Variants in CDH17 observed in about 807,000 individuals in gnomAD.
The protein encoded by CDH17 is cadherin-17.
In CDH17, 67 loss-of-function variants were observed where a neutral mutation model predicts 86.3. The observed-to-expected ratio is 0.78, with a 90% CI of 0.64 to 0.95. CDH17 has a LOEUF of 0.95. Among genes scored for constraint, CDH17 ranks in the 40% least tolerant of loss-of-function variants. The pLI, the probability that CDH17 is intolerant of heterozygous loss-of-function variation, is 0.00. For missense variants in CDH17, 993 were observed against 1,017.6 expected, an observed-to-expected ratio of 0.98 and a Z score of 0.33; for synonymous variants, 367 against 366.4, an observed-to-expected ratio of 1.00 and a Z score of -0.02.
Position 94,128,167 on chromosome 8 carries a change from G to A in CDH17, c.*73C>T. 1 of 920,796 alleles carries A rather than the reference G, an allele frequency of 1.1e-6. No homozygotes were observed. Among genetic ancestry groups the A allele is most frequent in the Non-Finnish European group, 1.8e-6 (1 of 564,666 alleles). The allele number at this position is 920,796 out of a possible 1,614,324, so 57.0% of individuals were successfully genotyped here. A position where few individuals can be genotyped will look rare whatever the true frequency, so the allele number is the denominator to read the frequency against. ...TAAAAAATTATAATGCACGTTAGATGAAAAGTAATAGGATGAGATGGTTGT... is the reference window on the plus strand; with the variant it reads ...TAAAAAATTATAATGCACGTTAGATAAAAAGTAATAGGATGAGATGGTTGT... On this transcript the variant is annotated 3_prime_UTR_variant, in exon 18 of 18. Transcript: ENST00000027335.
intron 2 of CDH17, among the ~76,000 whole-genome samples, chr8:94,193,744 G>C (rs1409856614): frequency 6.6e-6 from 1 of 152,124 alleles, no homozygotes; most frequent in Non-Finnish European, 1.5e-5. Flanking sequence ...GAGGACTCAG[G>C]CTTCTCATAA....
intron 3 of CDH17, 81 bp downstream of exon 3, chr8:94,189,106 G>T: frequency 1.1e-6 from 1 of 946,782 alleles, no homozygotes; most frequent in Non-Finnish European, 1.7e-6. Context: ...TTTATTTCCT[G>T]CTATACAATA....
intron 12 of CDH17, among the ~76,000 whole-genome samples, chr8:94,157,364 G>A (rs1812966568): frequency 1.3e-5 from 2 of 152,078 alleles, no homozygotes; most frequent in Admixed American, 6.5e-5. Context: ...CAAATAGTAT[G>A]GCTACATACA....
intron 14 of CDH17, among the ~76,000 whole-genome samples, chr8:94,146,972 T>C (rs1312850246): frequency 6.6e-6 from 1 of 152,250 alleles, no homozygotes; most frequent in Non-Finnish European, 1.5e-5. Flanking sequence ...ACATCGTCTA[T>C]GTCCATGGCT....
At chr8:94,153,362 C>A (rs887294101) in intron 12 of CDH17, among the ~76,000 whole-genome samples, 5 of 152,064 alleles carry the variant, frequency 3.3e-5, no homozygotes, top group Non-Finnish European at 5.9e-5. Context: ...AGACAAAAAA[C>A]AAACATTGGT....
chr8:94,152,817 G>C (rs754135428), intron 12 of CDH17, among the ~76,000 whole-genome samples: 1 of 152,038 alleles, frequency 6.6e-6, no homozygotes, highest in Non-Finnish European at 1.5e-5. Flanking sequence ...ACCATCTCAC[G>C]AGATAGAGGA....
At chr8:94,184,246 T>C (rs1486075339) in intron 3 of CDH17, among the ~76,000 whole-genome samples, 1 of 151,710 alleles carries the variant, frequency 6.6e-6, no homozygotes, top group Non-Finnish European at 1.5e-5. Context: ...TCCAAGAGAA[T>C]CAAAAACATG....
Position 94,146,165 on chromosome 8 carries a change from C to T in CDH17, c.1930G>A (p.Gly644Arg). The T allele has an allele frequency of 1.3e-6, 2 of 1,509,634 alleles. No individual in the cohort carries two copies. The highest frequency in any genetic ancestry group is 1.8e-4 in the Middle Eastern group (1 of 5,642). The allele number at this position is 1,509,634 out of a possible 1,614,324, so 93.5% of individuals were successfully genotyped here. ...RVQVVATEVG[G>R]SSLSSVSEFH... ...TCTGACACAGAGCTCAAGGAAGACC[C>T]CCCTAAGGAATTGAATGATTGAAAC... The change falls in exon 15 of 18, where the codon GGG becomes AGG. Residue 644 changes from glycine (G) to arginine (R), a missense_variant and splice_region_variant. Physicochemically the swap from Gly to Arg is moderately radical, Grantham distance 125 (BLOSUM62 -2). Coordinates refer to ENST00000027335, the MANE Select transcript of CDH17 (RefSeq NM_004063.4).
rs528066213 is a variant in CDH17, at chr8:94,214,114, C to T, written c.-21+3084G>A. Among the ~76,000 whole-genome samples the T allele has an allele frequency of 3.9e-5, 6 of 152,312 alleles. No individual in the cohort carries two copies. In the South Asian group the frequency reaches 1.2e-3, roughly 32 times the overall value. ...ATGTGCACAACAAACTCCACACAGCCATAGTGAACTGTACTGTTTTAATTC... is the reference window on the plus strand; with the variant it reads ...ATGTGCACAACAAACTCCACACAGCTATAGTGAACTGTACTGTTTTAATTC... On this transcript the variant is annotated intron_variant, in intron 1 of 17. Transcript: ENST00000450165.
At position 94,165,215 on chromosome 8, in the gene CDH17, A is replaced by G. The variant is rs371951585; in HGVS notation, c.1282+546T>C. Among the ~76,000 whole-genome samples the G allele has an allele frequency of 2.0e-5, 3 of 152,336 alleles. No individual in the cohort carries two copies. In the East Asian group the frequency reaches 5.8e-4, roughly 29 times the overall value. On this transcript the variant is annotated intron_variant, in intron 10 of 17. Transcript: ENST00000027335. Reference sequence around the variant, plus strand: ...CTCTGGAATCTATTACCACATTCACACTGAGACCTCAACTCCCCTGGACTG... The same window carrying G: ...CTCTGGAATCTATTACCACATTCACGCTGAGACCTCAACTCCCCTGGACTG...
chr8:94,164,815 CA>C (rs1361562139), intron 10 of CDH17, among the ~76,000 whole-genome samples: 1 of 152,110 alleles, frequency 6.6e-6, no homozygotes, highest in African/African-American at 2.4e-5. Context: ...TCTTTGAATC[CA>C]GGTATTTTGT....
chr8:94,142,042 T>C (rs921988771), intron 15 of CDH17, among the ~76,000 whole-genome samples: 2 of 152,204 alleles, frequency 1.3e-5, no homozygotes, highest in Non-Finnish European at 2.9e-5. Context: ...AATAGATTTA[T>C]GTATAGGTGG....
chr8:94,183,958 A>G (rs1186563660), intron 3 of CDH17, among the ~76,000 whole-genome samples: 2 of 152,104 alleles, frequency 1.3e-5, no homozygotes, highest in African/African-American at 2.4e-5. Flanking sequence ...CCCATGAAAA[A>G]ATACTCAACA....
At chr8:94,194,733 T>C (rs765599489) in intron 1 of CDH17, 28 bp from the exon 2 acceptor site, 10 of 1,209,054 alleles carry the variant, frequency 8.3e-6, no homozygotes, top group Admixed American at 1.9e-5. Flanking sequence ...AAAAAAATGG[T>C]TAGTTACCAG....
chr8:94,166,083 T>G (rs1813148718), intron 9 of CDH17, 107 bp from the exon 10 acceptor site: 2 of 682,700 alleles, frequency 2.9e-6, no homozygotes, highest in Admixed American at 5.4e-5. Flanking sequence ...TGAATAACTT[T>G]GAATAGCAGA....
chr8:94,208,885 T>A (rs1160543509), upstream of CDH17, among the ~76,000 whole-genome samples: 4 of 152,222 alleles, frequency 2.6e-5, no homozygotes, highest in Non-Finnish European at 5.9e-5. Flanking sequence ...TTCCATATTT[T>A]GTACCCCCAA....
intron 1 of CDH17, among the ~76,000 whole-genome samples, 197 bp from the exon 2 acceptor site, chr8:94,194,902 C>G (rs1813753266): frequency 6.6e-6 from 1 of 152,210 alleles, no homozygotes; most frequent in African/African-American, 2.4e-5. Context: ...ATATGCAAGC[C>G]AACATCTCAA....
chr8:94,205,771 G>A (rs62523266), intron 1 of CDH17, among the ~76,000 whole-genome samples: 63,301 of 151,758 alleles, frequency 0.42, 14,439 homozygotes, highest in Middle Eastern at 0.54. Context: ...TAAACACTTT[G>A]GACAACTTAC....
chr8:94,217,134 C>T (rs1814206673), intron 1 of CDH17: 1 of 152,192 alleles, frequency 6.6e-6, no homozygotes, highest in Non-Finnish European at 1.5e-5. Flanking sequence ...AAAGCCTGAG[C>T]TGCTACCCTC....
Sources: gnomAD v4.1 joint callset for allele counts (sites outside exome capture counted in the v4.1 genomes callset) on GRCh38, gnomAD v4.1.1 for gene constraint, MANE v1.5 for transcripts, NCBI Gene and HGNC (gene_info 2026-07-23, HGNC 2026-07-21) for gene names.